The following ADAMTS2 variants were observed in gnomAD, a reference collection of about 807,000 sequenced individuals.
The protein encoded by ADAMTS2 is A disintegrin and metalloproteinase with thrombospondin motifs 2.
Under a neutral mutation model 123.0 loss-of-function variants are expected in ADAMTS2, and 50 were observed. The observed-to-expected ratio is 0.41, with a 90% CI of 0.32 to 0.51. The LOEUF (loss-of-function observed/expected upper bound fraction) is 0.51, where lower values mean the gene tolerates loss of function less well. ADAMTS2 is among the 20% of genes least tolerant of loss of function. The probability of loss-of-function intolerance (pLI) is 0.35; values close to 1 mark genes in which losing one functional copy is unlikely to be tolerated. For missense variants in ADAMTS2, 1,494 were observed against 1,705.2 expected, an observed-to-expected ratio of 0.88 and a Z score of 2.18; for synonymous variants, 678 against 695.4, an observed-to-expected ratio of 0.98 and a Z score of 0.39.
intron 15 of ADAMTS2, among the ~76,000 whole-genome samples, chr5:179,131,306 CAAAAA>C (rs553125844): frequency 2.1e-3 from 47 of 22,678 alleles, no homozygotes; most frequent in Admixed American, 7.9e-3. Flanking sequence ...GAGCGAGACT[CAAAAA>C]AAAAAAAAAA....
At chr5:179,182,744 T>G (rs1313323413) in intron 4 of ADAMTS2, among the ~76,000 whole-genome samples, 1 of 152,156 alleles carries the variant, frequency 6.6e-6, no homozygotes. Flanking sequence ...CTCTCTTTCC[T>G]ATAGGCAAGG....
In ADAMTS2 at chr5:179,121,542, G is replaced by A. The variant is rs566692882; in HGVS notation, c.3178+119C>T. 11 of 777,228 alleles carry A rather than the reference G, an allele frequency of 1.4e-5. No homozygotes were observed. In the East Asian group the frequency reaches 2.0e-4, roughly 14 times the overall value. The allele number at this position is 777,228 out of a possible 1,614,324, so 48.1% of individuals were successfully genotyped here. A position where few individuals can be genotyped will look rare whatever the true frequency, so the allele number is the denominator to read the frequency against. On this transcript the variant is annotated intron_variant, in intron 21 of 21. Coordinates refer to ENST00000251582, the MANE Select transcript of ADAMTS2 (RefSeq NM_014244.5). ...CGGGAGAAAACGGTCACCCCAGAGCGCGCCCGCAGAGTCAGGGGAGCTTTC... is the reference window on the plus strand; with the variant it reads ...CGGGAGAAAACGGTCACCCCAGAGCACGCCCGCAGAGTCAGGGGAGCTTTC...
intron 2 of ADAMTS2, among the ~76,000 whole-genome samples, chr5:179,310,624 GC>G (rs1391041976): frequency 6.6e-6 from 1 of 152,144 alleles, no homozygotes; most frequent in Non-Finnish European, 1.5e-5. Flanking sequence ...CAGCCTGGGG[GC>G]CCCCGGGAGC....
At chr5:179,344,251 G>A in intron 1 of ADAMTS2, 90 bp from the exon 2 acceptor site, 6 of 1,469,138 alleles carry the variant, frequency 4.1e-6, no homozygotes, top group Non-Finnish European at 4.6e-6. Context: ...CCCAGACCCC[G>A]CCCCACTGCG....
rs913298242 is a variant in ADAMTS2 at position 179,332,161 on chromosome 5, A to G, written c.534+11606T>C. ...ATCACAGAACTCAGGGAGGCATTTT[A>G]CTTACTATTTCCAGTTGATTATTAA... On this transcript the variant is annotated intron_variant, in intron 2 of 21. Transcript: ENST00000251582. This position sits in a 1 kb window ranked among gnomAD's most constrained non-coding sequence, Gnocchi z 4.2. Among the ~76,000 whole-genome samples, 1 of 152,206 alleles carries G rather than the reference A, an allele frequency of 6.6e-6. No individual in the cohort carries two copies. Among genetic ancestry groups the G allele is most frequent in the Non-Finnish European group, 1.5e-5 (1 of 68,024 alleles).
chr5:179,310,982 C>T (rs1416962221), intron 2 of ADAMTS2, among the ~76,000 whole-genome samples: 5 of 152,014 alleles, frequency 3.3e-5, no homozygotes, highest in African/African-American at 7.3e-5. Context: ...TCTGGACCTC[C>T]GCCCCTTTCC....
At chr5:179,222,677 G>A (rs1192353047) in intron 3 of ADAMTS2, among the ~76,000 whole-genome samples, 2 of 152,254 alleles carry the variant, frequency 1.3e-5, no homozygotes, top group Non-Finnish European at 2.9e-5. Context: ...CGGCAGGCCT[G>A]TGGCTCACTG....
intron 5 of ADAMTS2, among the ~76,000 whole-genome samples, chr5:179,165,560 C>T (rs1172303566): frequency 6.6e-6 from 1 of 152,156 alleles, no homozygotes; most frequent in Non-Finnish European, 1.5e-5. Flanking sequence ...CTGGGCTCTG[C>T]AAAGGGGGTG....
chr5:179,306,370 C>T (rs185185327), intron 2 of ADAMTS2, among the ~76,000 whole-genome samples: 1 of 152,250 alleles, frequency 6.6e-6, no homozygotes, highest in East Asian at 1.9e-4. Context: ...AAAAAATATG[C>T]TTATATCAAG....
intron 5 of ADAMTS2, among the ~76,000 whole-genome samples, chr5:179,177,287 C>T (rs190737491): frequency 6.6e-6 from 1 of 152,316 alleles, no homozygotes; most frequent in Admixed American, 6.5e-5. Flanking sequence ...GTAGAAGTTT[C>T]TCTTTATACA....
Position 179,172,928 on chromosome 5 carries a change from G to T in ADAMTS2, c.975+8144C>A, listed in dbSNP as rs1763851941. ...TTTATAAAAGAAACATGCTGGTCCA[G>T]GCTCAGCTGCTCACACCTGTAATCC... On this transcript the variant is annotated intron_variant, in intron 5 of 21. Transcript: ENST00000251582. Among the ~76,000 whole-genome samples the T allele has an allele frequency of 2.0e-5, 3 of 151,966 alleles. No homozygotes were observed. In the South Asian group the frequency reaches 6.3e-4, roughly 32 times the overall value.
At chr5:179,140,927 G>A (rs1356196189) in intron 10 of ADAMTS2, among the ~76,000 whole-genome samples, 2 of 149,726 alleles carry the variant, frequency 1.3e-5, no homozygotes, top group Non-Finnish European at 3.0e-5. Flanking sequence ...AGCCTCCCGA[G>A]TAGCTGGGAT....
intron 2 of ADAMTS2, among the ~76,000 whole-genome samples, chr5:179,341,165 C>T (rs1484955675): frequency 1.3e-5 from 2 of 152,096 alleles, no homozygotes; most frequent in African/African-American, 2.4e-5. Context: ...AGAAGCCTAT[C>T]GTGGTGGCAG....
At chr5:179,304,294 C>T (rs1756612256) in intron 2 of ADAMTS2, among the ~76,000 whole-genome samples, 1 of 152,160 alleles carries the variant, frequency 6.6e-6, no homozygotes, top group Admixed American at 6.5e-5. Context: ...GTCCAGGATA[C>T]AGTCCAAAAT....
intron 2 of ADAMTS2, among the ~76,000 whole-genome samples, chr5:179,305,612 G>C (rs2113566573): frequency 6.6e-6 from 1 of 152,230 alleles, no homozygotes; most frequent in Non-Finnish European, 1.5e-5. Flanking sequence ...CCCAAAGCAA[G>C]TAGAAGGGAG....
rs550521847 is a variant in ADAMTS2 at position 179,312,538 on chromosome 5, C to T, written c.534+31229G>A. Among the ~76,000 whole-genome samples the T allele has an allele frequency of 2.6e-5, 4 of 152,334 alleles. No homozygotes were observed. The East Asian group carries it at 7.7e-4, about 29-fold the overall frequency. On this transcript the variant is annotated intron_variant, in intron 2 of 21. Transcript: ENST00000251582. The surrounding 1 kb of genome is among the most constrained non-coding windows in gnomAD (Gnocchi z 4.2). The stretch of plus-strand genomic sequence containing the variant: ...GAAATAAGCTTCCGATGCTTTTAAG[C>T]CGCTCCGTTTATGGTATTTGGCTAT...
chr5:179,311,444 T>C (rs548994276), intron 2 of ADAMTS2, among the ~76,000 whole-genome samples: 2 of 152,328 alleles, frequency 1.3e-5, no homozygotes, highest in Admixed American at 1.3e-4. Flanking sequence ...AAAGCCTCAA[T>C]GACAACAAAG....
chr5:179,323,387 A>C (rs1054150584), intron 2 of ADAMTS2, among the ~76,000 whole-genome samples: 3 of 152,230 alleles, frequency 2.0e-5, no homozygotes, highest in Admixed American at 6.5e-5. Flanking sequence ...GGGGAGGAGA[A>C]AGAAGCAGAC....
At chr5:179,258,057 G>A (rs77826120) in intron 3 of ADAMTS2, among the ~76,000 whole-genome samples, 5,651 of 152,170 alleles carry the variant, frequency 0.037, 143 homozygotes, top group Non-Finnish European at 0.06. Flanking sequence ...CTCAGCGAAC[G>A]CCTGACCCCC....
Sources: allele counts gnomAD v4.1 joint callset (sites outside exome capture counted in the v4.1 genomes callset), GRCh38; gene constraint gnomAD v4.1.1; non-coding constraint Gnocchi (gnomAD v3.1); transcripts MANE v1.5; gene names NCBI Gene and HGNC (gene_info 2026-07-23, HGNC 2026-07-21).